ATP1B4: variants seen among roughly 807,000 people sequenced by gnomAD.
The protein encoded by ATP1B4 is ATPase Na+/K+ transporting family member beta 4.
A neutral mutation model predicts 29.6 loss-of-function variants in ATP1B4; 32 were observed. The ratio of observed to expected loss-of-function variants is 1.08; its 90% CI spans 0.82 to 1.45. ATP1B4 has a LOEUF of 1.45. ATP1B4 is among the 40% of genes most tolerant of loss of function. ATP1B4 has a pLI of 0.00. For synonymous variants in ATP1B4, 127 were observed against 102.1 expected (o/e 1.24, Z -1.47); for missense variants, 323 against 276.2 (o/e 1.17, Z -1.20).
At chrX:120,379,178 T>C (rs1569356801) in intron 7 of ATP1B4, among the ~76,000 whole-genome samples, 1 of 111,342 alleles carries the variant, frequency 9.0e-6, no homozygotes, top group East Asian at 2.8e-4. Context: ...CGATAGACAC[T>C]AGTTTTGGTT....
At chrX:120,368,981 A>G (rs1018568541) in intron 2 of ATP1B4, among the ~76,000 whole-genome samples, 1 of 111,569 alleles carries the variant, frequency 9.0e-6, no homozygotes, top group East Asian at 2.8e-4. Context: ...CATAAACTCT[A>G]GGGCGCCCAC....
chrX:120,382,681 A>G lies in ATP1B4; in HGVS notation c.*3047A>G, dbSNP rs759270766. The G allele has an allele frequency of 1.2e-4, 13 of 112,412 alleles. No individual in the cohort carries two copies. The highest frequency in any genetic ancestry group is 4.6e-3 in the Middle Eastern group (1 of 218). The allele number at this position is 112,412 out of a possible 1,213,427, so 9.3% of individuals were successfully genotyped here. ...AATAGTTAACATTTCACAGGAATTC[A>G]ACTACTGGTGCTATACTTTATACAT... On this transcript the variant is annotated 3_prime_UTR_variant, in exon 8 of 8. Transcript: ENST00000218008.
At position 120,369,100 on chromosome X, in the gene ATP1B4, T is replaced by C. The variant is rs765069466; in HGVS notation, c.329-1615T>C. ...AGATATCTCCAAAGGAATGTACCTA[T>C]GTTCCATTGCTTTCCCTTCATCCAT... On this transcript the variant is annotated intron_variant, in intron 2 of 7. Transcript: ENST00000218008. Among the ~76,000 whole-genome samples, 6 of 112,477 alleles carry C rather than the reference T, an allele frequency of 5.3e-5. No homozygotes were observed. The East Asian group carries it at 1.7e-3, about 31-fold the overall frequency.
At chrX:120,363,104 G>A (rs761255505) in intron 1 of ATP1B4, among the ~76,000 whole-genome samples, 1 of 112,572 alleles carries the variant, frequency 8.9e-6, no homozygotes, top group Non-Finnish European at 1.9e-5. Flanking sequence ...ATTTTGAAAT[G>A]TTCCCCAGAG....
rs755047382 is a variant in ATP1B4, at chrX:120,366,613, C to T, written c.152C>T (p.Ser51Leu). The T allele has an allele frequency of 2.6e-5, 31 of 1,198,953 alleles. No homozygotes were observed. The highest frequency in any genetic ancestry group is 4.4e-5 in the Admixed American group (2 of 45,318). Residue 51 changes from serine to leucine, a missense_variant, in exon 2 of 8, where the codon TCG becomes TTG. Coordinates refer to ENST00000218008, the MANE Select transcript of ATP1B4 (RefSeq NM_001142447.3). ...GCTCGGGTGACGGTGGTGCCCAAAT[C>T]GGAGGAGGAGGAAGAAGAGGAGGAG... ...EEARVTVVPK[S>L]EEEEEEEEKE...
In ATP1B4 at chrX:120,379,585, A is replaced by G. The variant is rs1432782564; in HGVS notation, c.1025A>G (p.Asn342Ser). 2.5e-6 allele frequency: 3 copies of G among 1,209,519 alleles called. No individual in the cohort carries two copies. The highest frequency in any genetic ancestry group is 2.2e-5 in the Admixed American group (1 of 45,738). ...KGKGVINDVI[N>S]DRFVGRVIFT... is the part of the protein sequence containing the mutation. ...AAAGGCGTCATAAATGATGTCATCAATGATCGTTTTGTGGGCAGGGTAATC... is the reference window on the plus strand; with the variant it reads ...AAAGGCGTCATAAATGATGTCATCAGTGATCGTTTTGTGGGCAGGGTAATC... Residue 342 changes from asparagine (N) to serine (S), a missense_variant, in exon 8 of 8, where the codon AAT (asparagine) becomes AGT (serine). Physicochemically the swap from Asn to Ser is conservative, Grantham distance 46. Transcript: ENST00000218008.
At chrX:120,373,607 T>A (rs951437469) in intron 4 of ATP1B4, among the ~76,000 whole-genome samples, 4 of 112,394 alleles carry the variant, frequency 3.6e-5, no homozygotes, top group African/African-American at 1.3e-4. Flanking sequence ...CAGTAATTTC[T>A]AAAGCCCAGT....
chrX:120,366,912 G>C (rs897195776), intron 2 of ATP1B4, 123 bp downstream of exon 2: 1 of 1,056,488 alleles, frequency 9.5e-7, no homozygotes, highest in African/African-American at 1.9e-5. Context: ...TTCATGTAAA[G>C]GCATCAATGC....
rs775531978 is a variant in ATP1B4 at position 120,371,143 on chromosome X, C to T, written c.495C>T (p.Phe165=). 3 of 1,211,485 alleles carry T rather than the reference C, an allele frequency of 2.5e-6. No individual in the cohort carries two copies. The South Asian group carries it at 5.3e-5, about 21-fold the overall frequency. Residue 165 remains phenylalanine, a synonymous_variant, in exon 4 of 8, where the codon TTC becomes TTT. Coordinates refer to ENST00000218008, the MANE Select transcript of ATP1B4 (RefSeq NM_001142447.3). ...GACCCTTCGCCCATAGCCTTAACTT[C>T]AACTTCAACGTTTCTGAACCCGACA... The part of the protein sequence containing the change: ...MIRPFAHSLN[F]NFNVSEPDTW...
rs1400622259 is a variant in ATP1B4, at chrX:120,382,043, C to T, written c.*2409C>T. ...TGAGAAGGAAAGATGAGAACAAAAG[C>T]AACATTGGGTTAAGGGAACTCGCTT... On this transcript the variant is annotated 3_prime_UTR_variant, in exon 8 of 8. Transcript: ENST00000218008. 8.9e-6 allele frequency: 1 copy of T among 111,839 alleles called. No individual in the cohort carries two copies. The highest frequency in any genetic ancestry group is 3.2e-5 in the African/African-American group (1 of 30,792). 9.2% of individuals were successfully genotyped at this position (111,839 alleles called of 1,213,427 possible). A position where few individuals can be genotyped will look rare whatever the true frequency, so the allele number is the denominator to read the frequency against.
chrX:120,366,499 G>C lies in ATP1B4; in HGVS notation c.64-26G>C, dbSNP rs370197442. Reference sequence around the variant, plus strand: ...CCATTGTACATTTTTTTTCAAAAAGGGTATTGTGTTTTGTCACTGTTCCAG... The same window carrying C: ...CCATTGTACATTTTTTTTCAAAAAGCGTATTGTGTTTTGTCACTGTTCCAG... On this transcript the variant is annotated intron_variant, in intron 1 of 7. Transcript: ENST00000218008. 12 of 1,178,479 alleles carry C rather than the reference G, an allele frequency of 1.0e-5. No homozygotes were observed. In the South Asian group the frequency reaches 2.1e-4, roughly 21 times the overall value.
intron 2 of ATP1B4, 124 bp downstream of exon 2, chrX:120,366,913 G>A (rs1421065552): frequency 4.8e-6 from 5 of 1,048,675 alleles, no homozygotes; most frequent in Non-Finnish European, 6.3e-6. Context: ...TCATGTAAAG[G>A]CATCAATGCC....
chrX:120,375,391 A>G lies in ATP1B4; in HGVS notation c.582A>G (p.Gln194=). The G allele has an allele frequency of 8.3e-7, 1 of 1,209,821 alleles. No homozygotes were observed. The highest frequency in any genetic ancestry group is 1.1e-6 in the Non-Finnish European group (1 of 894,400). ...CTTTAGGTTATAATGACAGTCTTCA[A>G]GAGGAAATGAATGTAGATTGTCCCC... ...GFLQGYNDSL[Q]EEMNVDCPPG... Residue 194 remains glutamine (Q), a synonymous_variant, in exon 5 of 8, where the codon CAA becomes CAG. Transcript: ENST00000218008.
At chrX:120,368,351 C>G (rs757308029) in intron 2 of ATP1B4, among the ~76,000 whole-genome samples, 3 of 112,002 alleles carry the variant, frequency 2.7e-5, no homozygotes, top group Non-Finnish European at 5.6e-5. Context: ...TTCCTGAGAA[C>G]AAGGTGCCCG....
At chrX:120,375,707 A>C in intron 5 of ATP1B4, 139 bp downstream of exon 5, 1 of 459,732 alleles carries the variant, frequency 2.2e-6, no homozygotes, top group Non-Finnish European at 3.5e-6. Context: ...AATACAAATA[A>C]CCAGATAAAC....
Position 120,379,739 on chromosome X carries a change from C to T in ATP1B4, c.*105C>T. ...TTCAATTAGGACACAGCCAGATGGA[C>T]ATCTAAGACAGCCGATCATCTTTCC... On this transcript the variant is annotated 3_prime_UTR_variant, in exon 8 of 8. Transcript: ENST00000218008. The T allele has an allele frequency of 1.3e-6, 1 of 798,471 alleles. No individual in the cohort carries two copies. The highest frequency in any genetic ancestry group is 2.1e-5 in the African/African-American group (1 of 47,842). 65.8% of individuals were successfully genotyped at this position (798,471 alleles called of 1,213,427 possible).
At chrX:120,372,719 C>T (rs974986034) in intron 4 of ATP1B4, among the ~76,000 whole-genome samples, 6 of 112,315 alleles carry the variant, frequency 5.3e-5, no homozygotes, top group African/African-American at 1.6e-4. Context: ...AGACATGCTG[C>T]TTTTCATAAT....
chrX:120,364,303 T>C (rs887494669), intron 1 of ATP1B4, among the ~76,000 whole-genome samples: 1 of 112,248 alleles, frequency 8.9e-6, no homozygotes, highest in African/African-American at 3.2e-5. Flanking sequence ...TCAAATTCAC[T>C]GAGATTCTCA....
intron 4 of ATP1B4, among the ~76,000 whole-genome samples, chrX:120,374,439 A>G (rs955475430): frequency 3.0e-5 from 3 of 100,965 alleles, no homozygotes; most frequent in African/African-American, 1.1e-4. Context: ...AACCCAGGAT[A>G]TACCATATAT....
Sources: gnomAD v4.1 joint callset for allele counts (sites outside exome capture counted in the v4.1 genomes callset) on GRCh38, gnomAD v4.1.1 for gene constraint, MANE v1.5 for transcripts, NCBI Gene and HGNC (gene_info 2026-07-23, HGNC 2026-07-21) for gene names.